SPTBN1: variants seen among roughly 807,000 people sequenced by gnomAD.
SPTBN1 encodes spectrin beta chain, non-erythrocytic 1.
In SPTBN1, 32 loss-of-function variants were observed where a neutral mutation model predicts 266.4. The ratio of observed to expected loss-of-function variants is 0.12; its 90% CI spans 0.09 to 0.16. The LOEUF is 0.16. SPTBN1 is among the 10% of genes least tolerant of loss of function. SPTBN1 has a pLI of 1.00. For synonymous variants in SPTBN1, 1,336 were observed against 1,162.2 expected, an observed-to-expected ratio of 1.15 and a Z score of -3.04; for missense variants, 2,296 against 3,067.1, an observed-to-expected ratio of 0.75 and a Z score of 5.94.
rs77629004 is a variant in SPTBN1, at chr2:54,519,367, C to T, written c.-47-7005C>T. ...GATAGGTCAGCGGTGCATAAGGTGT[C>T]GGAGGGAGTGCATGTGGGCACTGTC... On this transcript the variant is annotated intron_variant, in intron 1 of 35. Coordinates refer to ENST00000356805, the MANE Select transcript of SPTBN1 (RefSeq NM_003128.3). Among the ~76,000 whole-genome samples the T allele has an allele frequency of 2.2e-4, 33 of 152,206 alleles. No homozygotes were observed. In the East Asian group the frequency reaches 5.8e-3, roughly 27 times the overall value.
chr2:54,567,455 C>T (rs1400642019), intron 2 of SPTBN1, among the ~76,000 whole-genome samples: 1 of 152,250 alleles, frequency 6.6e-6, no homozygotes, highest in Middle Eastern at 3.4e-3. Context: ...ATCCTTCCAC[C>T]TCAGCCTCCC....
At position 54,558,669 on chromosome 2, in the gene SPTBN1, T is replaced by C; in HGVS notation, c.148+32103T>C. 7.3e-6 allele frequency: 11 copies of C among 1,500,666 alleles called. No homozygotes were observed. Among genetic ancestry groups the C allele is most frequent in the Non-Finnish European group, 7.1e-6 (8 of 1,121,688 alleles). 93.0% of individuals were successfully genotyped at this position (1,500,666 alleles called of 1,614,324 possible). A position where few individuals can be genotyped will look rare whatever the true frequency, so the allele number is the denominator to read the frequency against. On this transcript the variant is annotated intron_variant, in intron 2 of 35. Transcript: ENST00000356805. The surrounding 1 kb of genome is among the most constrained non-coding windows in gnomAD (Gnocchi z 4.6). ...CTGGACTTGCAGACCGGAATGGGGC[T>C]CGCCTAAGGAGCCGAGCGCTGCGGA...
chr2:54,507,274 G>T (rs1669624728), intron 1 of SPTBN1, among the ~76,000 whole-genome samples: 1 of 152,118 alleles, frequency 6.6e-6, no homozygotes, highest in Admixed American at 6.5e-5. Context: ...TGATGGCTTA[G>T]CTTGGGCTCA....
intron 2 of SPTBN1, among the ~76,000 whole-genome samples, chr2:54,577,818 G>A (rs1471288884): frequency 6.6e-6 from 1 of 152,188 alleles, no homozygotes; most frequent in African/African-American, 2.4e-5. Flanking sequence ...TGGTGCTTTT[G>A]TAGATCCCAC....
Position 54,593,537 on chromosome 2 carries a change from C to T in SPTBN1, c.149-5555C>T, listed in dbSNP as rs59227562. 4.7e-3 allele frequency among the ~76,000 whole-genome samples: 711 copies of T among 152,176 alleles called. 3 individuals are homozygous for T. The highest frequency in any genetic ancestry group is 0.016 in the African/African-American group (677 of 41,508). On this transcript the variant is annotated intron_variant, in intron 2 of 35. Coordinates refer to ENST00000356805, the MANE Select transcript of SPTBN1 (RefSeq NM_003128.3). ...TAGAGGTGGGGTCCTCAGGTGTGATCTTGGATCCCACTTGTACCACATTGT... is the reference window on the plus strand; with the variant it reads ...TAGAGGTGGGGTCCTCAGGTGTGATTTTGGATCCCACTTGTACCACATTGT...
In SPTBN1 at chr2:54,593,719, T is replaced by C. The variant is rs554971302; in HGVS notation, c.149-5373T>C. On this transcript the variant is annotated intron_variant, in intron 2 of 35. Coordinates refer to ENST00000356805, the MANE Select transcript of SPTBN1 (RefSeq NM_003128.3). ...TTGATGGAGACACCATCCCAACAGATGGAGAGTTACCCAATAATGCAGCAG... is the reference window on the plus strand; with the variant it reads ...TTGATGGAGACACCATCCCAACAGACGGAGAGTTACCCAATAATGCAGCAG... 3.6e-4 allele frequency among the ~76,000 whole-genome samples: 54 copies of C among 151,306 alleles called. 1 individual carries two copies. Among genetic ancestry groups the C allele is most frequent in the African/African-American group, 1.2e-3 (48 of 41,200 alleles).
chr2:54,659,664 G>A (rs893794071), intron 31 of SPTBN1, among the ~76,000 whole-genome samples: 3 of 152,084 alleles, frequency 2.0e-5, no homozygotes, highest in African/African-American at 4.8e-5. Flanking sequence ...TACTTCCAAA[G>A]GGCTAATTAT....
intron 32 of SPTBN1, chr2:54,663,869 G>A (rs1412460453): frequency 1.3e-5 from 2 of 152,232 alleles, no homozygotes; most frequent in Non-Finnish European, 2.9e-5. Context: ...GATGTGAAAT[G>A]CATGATTGTC....
chr2:54,608,230 T>C (rs1360217346), intron 3 of SPTBN1, among the ~76,000 whole-genome samples: 1 of 152,196 alleles, frequency 6.6e-6, no homozygotes, highest in African/African-American at 2.4e-5. Flanking sequence ...TCATCCTTGC[T>C]CTTAGGAAGC....
chr2:54,501,611 A>ATTCTGAATTG lies in SPTBN1; in HGVS notation c.-47-24760_-47-24751dup, dbSNP rs1184016399. Among the ~76,000 whole-genome samples the ATTCTGAATTG allele has an allele frequency of 4.6e-5, 7 of 152,332 alleles. No individual in the cohort carries two copies. The East Asian group carries it at 1.3e-3, about 29-fold the overall frequency. Reference sequence around the variant, plus strand: ...CAGAAAGAGGAGATGGACTTGGTGGATTCTGAATTGGTCAGTTCCACCTCT... The same window carrying ATTCTGAATTG: ...CAGAAAGAGGAGATGGACTTGGTGGATTCTGAATTGTTCTGAATTGGTCAGTTCCACCTCT... On this transcript the variant is annotated intron_variant, in intron 1 of 35. Coordinates refer to ENST00000356805, the MANE Select transcript of SPTBN1 (RefSeq NM_003128.3).
chr2:54,497,633 G>A (rs1343209473), intron 1 of SPTBN1, among the ~76,000 whole-genome samples: 1 of 152,090 alleles, frequency 6.6e-6, no homozygotes, highest in African/African-American at 2.4e-5. Context: ...TTTGGGAATT[G>A]CAGAAATCGT....
chr2:54,589,509 C>G (rs1236798987), intron 2 of SPTBN1, among the ~76,000 whole-genome samples: 1 of 152,132 alleles, frequency 6.6e-6, no homozygotes, highest in Non-Finnish European at 1.5e-5. Flanking sequence ...TGTAGTCGGC[C>G]CATCAGACAG....
intron 1 of SPTBN1, among the ~76,000 whole-genome samples, chr2:54,494,937 G>GAA (rs1301482909): frequency 6.6e-5 from 10 of 151,058 alleles, no homozygotes; most frequent in Non-Finnish European, 1.2e-4. Context: ...AAAATGTCCT[G>GAA]AAAAAAGTTC....
intron 20 of SPTBN1, 85 bp downstream of exon 20, chr2:54,644,671 T>C: frequency 1.3e-6 from 2 of 1,500,742 alleles, no homozygotes; most frequent in Admixed American, 2.3e-5. Context: ...CACTGCATTA[T>C]CAGGAGTCCA....
intron 9 of SPTBN1, 66 bp downstream of exon 9, chr2:54,622,553 T>C: frequency 6.5e-7 from 1 of 1,546,126 alleles, no homozygotes; most frequent in East Asian, 2.3e-5. Flanking sequence ...AACAGATCCC[T>C]ATGTTCTGAT....
rs1572738236 is a variant in SPTBN1 at position 54,642,865 on chromosome 2, C to T, written c.3859-118C>T. On this transcript the variant is annotated intron_variant, in intron 18 of 35. Transcript: ENST00000356805. ...GTTGTGAAGTTAAATATTTGGTTGT[C>T]TGTCACCATGGAAACGTGTGTAGTA... is the stretch of plus-strand genomic sequence containing the variant. 2.3e-6 allele frequency: 3 copies of T among 1,288,548 alleles called. No individual in the cohort carries two copies. In the East Asian group the frequency reaches 7.2e-5, roughly 31 times the overall value. 79.8% of individuals were successfully genotyped at this position (1,288,548 alleles called of 1,614,324 possible).
chr2:54,477,419 T>A (rs1227913293), intron 1 of SPTBN1, among the ~76,000 whole-genome samples: 1 of 151,636 alleles, frequency 6.6e-6, no homozygotes, highest in Admixed American at 6.6e-5. Context: ...TTTTTTTAAT[T>A]AATTAATTCA....
At chr2:54,666,749 T>G (rs548287827) in intron 34 of SPTBN1, among the ~76,000 whole-genome samples, 2 of 152,244 alleles carry the variant, frequency 1.3e-5, no homozygotes, top group South Asian at 4.1e-4. Context: ...TTTACTGATT[T>G]GTGCTGTTGC....
chr2:54,464,366 T>G (rs1693520140), intron 1 of SPTBN1, among the ~76,000 whole-genome samples: 1 of 152,188 alleles, frequency 6.6e-6, no homozygotes. Context: ...GGAAGAATAT[T>G]ACTGAGATGG....
Sources: allele counts gnomAD v4.1 joint callset (sites outside exome capture counted in the v4.1 genomes callset), GRCh38; gene constraint gnomAD v4.1.1; non-coding constraint Gnocchi (gnomAD v3.1); transcripts MANE v1.5; gene names NCBI Gene and HGNC (gene_info 2026-07-23, HGNC 2026-07-21).